The following DNAI7 variants were observed in gnomAD, a reference collection of about 807,000 sequenced individuals.
The protein encoded by DNAI7 is cancer susceptibility 1.
Under a neutral mutation model 86.6 loss-of-function variants are expected in DNAI7, and 78 were observed. The ratio of observed to expected loss-of-function variants is 0.90; its 90% CI spans 0.75 to 1.09. The LOEUF is 1.09. Ranked by LOEUF, DNAI7 falls within the 50% of genes least tolerant of loss-of-function variation. The probability of loss-of-function intolerance (pLI) is 0.00; values close to 1 mark genes in which losing one functional copy is unlikely to be tolerated. For synonymous variants in DNAI7, 274 were observed against 273.0 expected (o/e 1.00, Z -0.04); for missense variants, 753 against 810.2 (o/e 0.93, Z 0.86).
chr12:25,166,625 G>A (rs1947505824), intron 2 of DNAI7, among the ~76,000 whole-genome samples: 1 of 152,036 alleles, frequency 6.6e-6, no homozygotes. Flanking sequence ...ATCGTGTCCG[G>A]CTAATCTCCC....
intron 2 of DNAI7, among the ~76,000 whole-genome samples, chr12:25,164,625 C>T (rs984539499): frequency 2.0e-5 from 3 of 152,074 alleles, no homozygotes; most frequent in African/African-American, 7.2e-5. Flanking sequence ...AATAGGCAAA[C>T]GGTCTGAGGT....
intron 2 of DNAI7, among the ~76,000 whole-genome samples, chr12:25,181,796 A>G (rs781262878): frequency 6.6e-6 from 1 of 152,134 alleles, no homozygotes; most frequent in Non-Finnish European, 1.5e-5. Context: ...CTAATCAGAT[A>G]AATTTCAATT....
intron 2 of DNAI7, among the ~76,000 whole-genome samples, chr12:25,171,291 T>C (rs1948102759): frequency 6.6e-6 from 1 of 152,074 alleles, no homozygotes; most frequent in Non-Finnish European, 1.5e-5. Flanking sequence ...AAATGGGAGA[T>C]ATTACAACTG....
intron 2 of DNAI7, among the ~76,000 whole-genome samples, chr12:25,163,624 A>G (rs553740662): frequency 6.6e-6 from 1 of 152,302 alleles, no homozygotes; most frequent in South Asian, 2.1e-4. Flanking sequence ...GACGAGAGTG[A>G]AATCTGGTGC....
intron 2 of DNAI7, among the ~76,000 whole-genome samples, chr12:25,169,725 G>A (rs576274698): frequency 5.9e-5 from 9 of 151,982 alleles, no homozygotes; most frequent in Admixed American, 1.3e-4. Context: ...GCATGCACCC[G>A]TGATCCCAGC....
intron 2 of DNAI7, among the ~76,000 whole-genome samples, chr12:25,182,970 GGAGGA>G (rs1401436382): frequency 2.3e-4 from 35 of 150,652 alleles, no homozygotes; most frequent in South Asian, 1.5e-3. Flanking sequence ...AGGGAGGAAG[GGAGGA>G]AGGGAAGGAG....
At chr12:25,123,989 TA>T (rs965481203) in intron 9 of DNAI7, among the ~76,000 whole-genome samples, 23 of 150,222 alleles carry the variant, frequency 1.5e-4, no homozygotes, top group African/African-American at 5.6e-4. Context: ...GAACTTTGGG[TA>T]ATGTAAAGCA....
At chr12:25,183,456 C>T (rs1320685484) in intron 2 of DNAI7, among the ~76,000 whole-genome samples, 2 of 152,014 alleles carry the variant, frequency 1.3e-5, no homozygotes, top group Non-Finnish European at 2.9e-5. Context: ...CAAAATGTCC[C>T]TCTTTATTTC....
chr12:25,123,670 G>A (rs1462538218), intron 9 of DNAI7, among the ~76,000 whole-genome samples: 1 of 152,090 alleles, frequency 6.6e-6, no homozygotes, highest in African/African-American at 2.4e-5. Context: ...GCCTGCTTTT[G>A]GGTAAGTCTC....
chr12:25,148,270 C>T (rs542441838), intron 7 of DNAI7, among the ~76,000 whole-genome samples: 1 of 152,132 alleles, frequency 6.6e-6, no homozygotes, highest in Non-Finnish European at 1.5e-5. Flanking sequence ...AGGGGTTTAA[C>T]TGGATTCAGA....
intron 2 of DNAI7, among the ~76,000 whole-genome samples, chr12:25,164,675 C>T (rs1947233325): frequency 6.6e-6 from 1 of 152,138 alleles, no homozygotes; most frequent in Non-Finnish European, 1.5e-5. Flanking sequence ...CAGTCCCTCC[C>T]TAGTCTCTGT....
intron 13 of DNAI7, among the ~76,000 whole-genome samples, chr12:25,114,170 C>CCTCA (rs144361824): frequency 0.059 from 8,931 of 152,066 alleles, 351 homozygotes; most frequent in Non-Finnish European, 0.089. Flanking sequence ...GAACTGCTGA[C>CCTCA]CTCAGGTGAT....
chr12:25,173,630 T>C (rs1308284970), intron 2 of DNAI7, among the ~76,000 whole-genome samples: 1 of 151,986 alleles, frequency 6.6e-6, no homozygotes. Flanking sequence ...GAAGGTATTA[T>C]TCAAAAAAGA....
chr12:25,150,129 G>A (rs1350663633), intron 6 of DNAI7, among the ~76,000 whole-genome samples: 1 of 152,150 alleles, frequency 6.6e-6, no homozygotes, highest in Non-Finnish European at 1.5e-5. Context: ...AATCCCCAGT[G>A]TAATAACTGC....
Position 25,195,133 on chromosome 12 carries a change from A to G in DNAI7, c.-55T>C, listed in dbSNP as rs1592778705. 1.9e-6 allele frequency: 3 copies of G among 1,587,036 alleles called. No homozygotes were observed. In the East Asian group the frequency reaches 6.7e-5, roughly 35 times the overall value. The stretch of plus-strand genomic sequence containing the variant: ...CAGAGTCGGAGCAGAAATTGTGTGG[A>G]CAAACGCTCCCGGGTTGCCCGGACG... On this transcript the variant is annotated 5_prime_UTR_variant, in exon 1 of 16. Coordinates refer to ENST00000395987, the MANE Select transcript of DNAI7 (RefSeq NM_018272.5).
intron 9 of DNAI7, among the ~76,000 whole-genome samples, chr12:25,128,639 T>C (rs4963854): frequency 0.69 from 104,744 of 152,130 alleles, 39,893 homozygotes; most frequent in East Asian, 0.99. Flanking sequence ...TCACTCTATT[T>C]TTGTTCATCT....
chr12:25,148,161 T>C (rs1287756722), intron 7 of DNAI7, among the ~76,000 whole-genome samples: 1 of 152,212 alleles, frequency 6.6e-6, no homozygotes, highest in Non-Finnish European at 1.5e-5. Flanking sequence ...ACAATTGTCT[T>C]GTAGAACTGT....
At chr12:25,186,437 C>T (rs932521992) in intron 2 of DNAI7, among the ~76,000 whole-genome samples, 1 of 152,128 alleles carries the variant, frequency 6.6e-6, no homozygotes. Flanking sequence ...CACAATGTAA[C>T]TTGATACACT....
chr12:25,181,227 C>CA (rs1949475862), intron 2 of DNAI7, among the ~76,000 whole-genome samples: 1 of 152,178 alleles, frequency 6.6e-6, no homozygotes, highest in Admixed American at 6.5e-5. Context: ...TCTCCCACCT[C>CA]AGCCTCAGGA....
Sources: allele counts gnomAD v4.1 joint callset (sites outside exome capture counted in the v4.1 genomes callset), GRCh38; gene constraint gnomAD v4.1.1; transcripts MANE v1.5; gene names NCBI Gene and HGNC (gene_info 2026-07-23, HGNC 2026-07-21).